Variants in STAG1 observed in about 807,000 individuals in gnomAD.
The protein encoded by STAG1 is cohesin subunit SA-1.
Under a neutral mutation model 170.9 loss-of-function variants are expected in STAG1, and 26 were observed. That is an observed-to-expected ratio of 0.15 (90% confidence interval 0.11 to 0.21). STAG1 has a LOEUF of 0.21. Ranked by LOEUF, STAG1 falls within the 10% of genes least tolerant of loss-of-function variation. The pLI is 1.00. For missense variants in STAG1, 964 were observed against 1,509.5 expected (o/e 0.64, Z 5.99); for synonymous variants, 514 against 497.7 (o/e 1.03, Z -0.44).
chr3:136,562,006 T>C (rs1425698665), intron 5 of STAG1, among the ~76,000 whole-genome samples: 1 of 152,168 alleles, frequency 6.6e-6, no homozygotes, highest in Non-Finnish European at 1.5e-5. Flanking sequence ...GCTACAGACA[T>C]GATATTCCTT....
intron 22 of STAG1, among the ~76,000 whole-genome samples, chr3:136,391,667 G>A (rs572328457): frequency 5.0e-4 from 76 of 152,340 alleles, no homozygotes; most frequent in Non-Finnish European, 8.1e-4. Context: ...AAGCCACCAT[G>A]CCCGGCCCAT....
At chr3:136,377,023 C>T (rs896615827) in intron 23 of STAG1, among the ~76,000 whole-genome samples, 1 of 150,834 alleles carries the variant, frequency 6.6e-6, no homozygotes, top group Admixed American at 6.6e-5. Flanking sequence ...GTGATCTGCC[C>T]ACCTCGGCCT....
chr3:136,633,136 T>A (rs990757064), intron 1 of STAG1, among the ~76,000 whole-genome samples: 1 of 152,148 alleles, frequency 6.6e-6, no homozygotes, highest in African/African-American at 2.4e-5. Context: ...ATATTCAAAA[T>A]GTCCATTTTT....
At chr3:136,352,443 A>C (rs1936469048) in intron 28 of STAG1, among the ~76,000 whole-genome samples, 1 of 152,192 alleles carries the variant, frequency 6.6e-6, no homozygotes, top group Non-Finnish European at 1.5e-5. Context: ...TATAGGTGTG[A>C]GCCACAGCGC....
intron 25 of STAG1, among the ~76,000 whole-genome samples, chr3:136,364,854 T>G (rs1460472712): frequency 6.6e-6 from 1 of 152,184 alleles, no homozygotes; most frequent in Non-Finnish European, 1.5e-5. Context: ...AAGATAGGTA[T>G]GTTTCCATGA....
chr3:136,568,713 C>G, intron 5 of STAG1, 52 bp downstream of exon 5: 1 of 1,303,804 alleles, frequency 7.7e-7, no homozygotes, highest in Non-Finnish European at 1.1e-6. Flanking sequence ...GTAAAAGTCA[C>G]ACTGCTGGAC....
At chr3:136,509,792 T>C (rs1274823254) in intron 7 of STAG1, among the ~76,000 whole-genome samples, 2 of 152,236 alleles carry the variant, frequency 1.3e-5, no homozygotes, top group East Asian at 3.8e-4. Context: ...ACAATTTGCA[T>C]TTCTGTCTTG....
intron 7 of STAG1, chr3:136,518,480 G>T (rs890115413): frequency 2.4e-5 from 16 of 675,208 alleles, no homozygotes; most frequent in Non-Finnish European, 4.0e-5. Context: ...TTAAAAATAA[G>T]AAGAGGGCAA....
At chr3:136,345,271 G>A (rs1443272774) in intron 29 of STAG1, among the ~76,000 whole-genome samples, 2 of 151,860 alleles carry the variant, frequency 1.3e-5, no homozygotes, top group Admixed American at 1.3e-4. Flanking sequence ...TGTATTTTTA[G>A]TAGAGATGGG....
intron 22 of STAG1, among the ~76,000 whole-genome samples, chr3:136,396,731 T>G (rs1462987873): frequency 1.3e-5 from 2 of 150,632 alleles, no homozygotes; most frequent in African/African-American, 4.9e-5. Flanking sequence ...TTTCACCATA[T>G]TGGCCAGGCT....
chr3:136,643,820 C>T (rs1308496021), intron 1 of STAG1, among the ~76,000 whole-genome samples: 1 of 152,092 alleles, frequency 6.6e-6, no homozygotes, highest in African/African-American at 2.4e-5. Context: ...GAATGATATT[C>T]TTGACAACTG....
At chr3:136,507,374 T>C (rs1480599653) in intron 7 of STAG1, among the ~76,000 whole-genome samples, 1 of 152,186 alleles carries the variant, frequency 6.6e-6, no homozygotes, top group Non-Finnish European at 1.5e-5. Context: ...ACTTTTTGTT[T>C]TTCTTTTGAG....
chr3:136,690,533 G>A lies in STAG1; in HGVS notation c.-83-59552C>T, dbSNP rs372587456. The stretch of plus-strand genomic sequence containing the variant: ...ATTACAGGCGTGAGCCACCGTACCC[G>A]GCCAAATCCTATTTGTTCCTATAAC... On this transcript the variant is annotated intron_variant, in intron 1 of 33. Coordinates refer to ENST00000383202, the MANE Select transcript of STAG1 (RefSeq NM_005862.3). Among the ~76,000 whole-genome samples the A allele has an allele frequency of 7.1e-4, 108 of 152,262 alleles. No individual in the cohort carries two copies. The Middle Eastern group carries it at 0.017, about 24-fold the overall frequency.
At chr3:136,737,267 T>A in intron 1 of STAG1, 1 of 541,034 alleles carries the variant, frequency 1.8e-6, no homozygotes, top group Non-Finnish European at 3.4e-6. Context: ...CATGCCCAGT[T>A]AATTTTTTGT....
intron 1 of STAG1, among the ~76,000 whole-genome samples, chr3:136,649,503 C>CAAAAAAAAAAAAAAAAAAAA (rs761067087): frequency 1.1e-4 from 8 of 70,846 alleles, no homozygotes; most frequent in Non-Finnish European, 1.8e-4. Flanking sequence ...AAAACAGAAA[C>CAAAAAAAAAAAAAAAAAAAA]AAAAAAAAAA....
chr3:136,438,240 C>CTTTTTTTTTTT, intron 15 of STAG1, among the ~76,000 whole-genome samples: 1 of 128,210 alleles, frequency 7.8e-6, no homozygotes, highest in Non-Finnish European at 1.6e-5. Flanking sequence ...AGTTTCTTTT[C>CTTTTTTTTTTT]TTTTTTTTTT....
At chr3:136,461,709 T>TAATA (rs1156669897) in intron 13 of STAG1, among the ~76,000 whole-genome samples, 1 of 151,836 alleles carries the variant, frequency 6.6e-6, no homozygotes, top group Non-Finnish European at 1.5e-5. Context: ...ACAAATGAGA[T>TAATA]TATATTAAGC....
At chr3:136,683,144 G>A (rs920573317) in intron 1 of STAG1, among the ~76,000 whole-genome samples, 6 of 152,096 alleles carry the variant, frequency 3.9e-5, no homozygotes, top group African/African-American at 7.2e-5. Context: ...AGGTGACAAC[G>A]TTTCACTTCT....
intron 1 of STAG1, among the ~76,000 whole-genome samples, chr3:136,660,340 C>T (rs999588302): frequency 1.3e-5 from 2 of 152,024 alleles, no homozygotes; most frequent in African/African-American, 2.4e-5. Context: ...TTACTTTTAA[C>T]GTATGGCCCA....
Sources: gnomAD v4.1 joint callset for allele counts (sites outside exome capture counted in the v4.1 genomes callset) on GRCh38, gnomAD v4.1.1 for gene constraint, MANE v1.5 for transcripts, NCBI Gene and HGNC (gene_info 2026-07-23, HGNC 2026-07-21) for gene names.